FRMPD4: variants seen among roughly 807,000 people sequenced by gnomAD.
The protein encoded by FRMPD4 is FERM and PDZ domain containing 4.
In FRMPD4, 22 loss-of-function variants were observed where a neutral mutation model predicts 94.1. The observed-to-expected ratio is 0.23, with a 90% CI of 0.17 to 0.33. FRMPD4 has a LOEUF of 0.33. Ranked by LOEUF, FRMPD4 falls within the 10% of genes least tolerant of loss-of-function variation. The pLI is 1.00. For synonymous variants in FRMPD4, 631 were observed against 548.6 expected, an observed-to-expected ratio of 1.15 and a Z score of -2.10; for missense variants, 1,111 against 1,339.9, an observed-to-expected ratio of 0.83 and a Z score of 2.67.
chrX:12,706,454 C>T (rs2041875928), intron 11 of FRMPD4, among the ~76,000 whole-genome samples: 1 of 111,470 alleles, frequency 9.0e-6, no homozygotes, highest in Admixed American at 9.5e-5. Context: ...GTAGACACCT[C>T]ACCTTTGTCC....
Position 12,305,725 on chromosome X carries a change from G to GTTTTTTTTTGTTT in FRMPD4, c.41+166722_41+166723insGTTTTTTTTTTTT, listed in dbSNP as rs563804861. Reference sequence around the variant, plus strand: ...GGCATGTACCACCACAGCTGGCTAAGTTTTTTTTTTTTTTTTTTTTTTACA... The same window carrying GTTTTTTTTTGTTT: ...GGCATGTACCACCACAGCTGGCTAAGTTTTTTTTTGTTTTTTTTTTTTTTTTTTTTTTTTTACA... On this transcript the variant is annotated intron_variant, in intron 1 of 16. Transcript: ENST00000675598. Among the ~76,000 whole-genome samples, 28 of 59,700 alleles carry GTTTTTTTTTGTTT rather than the reference G, an allele frequency of 4.7e-4. 1 individual carries two copies. Among genetic ancestry groups the GTTTTTTTTTGTTT allele is most frequent in the Middle Eastern group, 8.9e-3 (1 of 112 alleles). 51.8% of individuals were successfully genotyped at this position (59,700 alleles called of 115,157 possible).
chrX:12,368,880 A>G (rs1370274349), intron 1 of FRMPD4, among the ~76,000 whole-genome samples: 4 of 112,017 alleles, frequency 3.6e-5, no homozygotes, highest in Non-Finnish European at 7.5e-5. Flanking sequence ...CTCTGTCTCA[A>G]CAAAAACAAA....
At chrX:12,579,630 T>C (rs753891831) in intron 2 of FRMPD4, among the ~76,000 whole-genome samples, 1 of 112,037 alleles carries the variant, frequency 8.9e-6, no homozygotes, top group South Asian at 3.7e-4. Context: ...GCTTTTCATA[T>C]TTTATTTTTT....
intron 3 of FRMPD4, among the ~76,000 whole-genome samples, chrX:11,955,156 A>G (rs1472784472): frequency 1.8e-5 from 2 of 111,050 alleles, no homozygotes; most frequent in Admixed American, 9.6e-5. Context: ...AGGCCCAATC[A>G]TGAAGGCTAA....
intron 2 of FRMPD4, among the ~76,000 whole-genome samples, chrX:12,601,201 A>G (rs761725226): frequency 8.9e-6 from 1 of 112,070 alleles, no homozygotes; most frequent in Admixed American, 9.5e-5. Context: ...AATGCTCCTG[A>G]CAGTGTTGTG....
At chrX:12,463,692 G>GTTTTTT (rs1235218164) in intron 1 of FRMPD4, among the ~76,000 whole-genome samples, 2 of 81,752 alleles carry the variant, frequency 2.4e-5, no homozygotes, top group Non-Finnish European at 4.4e-5. Context: ...TTTTTTTTTT[G>GTTTTTT]TTTTTGTTTT....
Position 12,498,734 on chromosome X carries a change from C to A in FRMPD4, c.96C>A (p.Ser32Arg). The A allele has an allele frequency of 8.3e-7, 1 of 1,201,888 alleles. No individual in the cohort carries two copies. Among genetic ancestry groups the A allele is most frequent in the Non-Finnish European group, 1.1e-6 (1 of 888,642 alleles). Residue 32 changes from serine (S) to arginine (R), a missense_variant, in exon 2 of 17, where the codon AGC (serine) becomes AGA (arginine). Ser to Arg is a moderately radical substitution (Grantham distance 110). Around this residue, in one of 8 missense-constraint regions of FRMPD4, gnomAD observed 140 missense variants for 165.9 expected, o/e 0.84. Transcript: ENST00000675598. ...CTCCCTCGGGAACCTGGGGCTTGAG[C>A]CAGGTGCCGCCCTATGGATGGGAGA... ...WPPPSGTWGL[S>R]QVPPYGWEMT...
chrX:12,587,228 G>T (rs1037141798), intron 2 of FRMPD4, among the ~76,000 whole-genome samples: 3 of 111,237 alleles, frequency 2.7e-5, no homozygotes, highest in African/African-American at 9.8e-5. Context: ...ACCCTCCTAG[G>T]CCTCCCAAAG....
At chrX:12,261,852 A>C (rs1400734708) in intron 1 of FRMPD4, among the ~76,000 whole-genome samples, 2 of 112,130 alleles carry the variant, frequency 1.8e-5, no homozygotes, top group Non-Finnish European at 3.8e-5. Flanking sequence ...AAATGTCAAT[A>C]TACCTATGTT....
chrX:12,394,221 A>G (rs989041754), intron 1 of FRMPD4, among the ~76,000 whole-genome samples: 8 of 111,955 alleles, frequency 7.1e-5, no homozygotes, highest in African/African-American at 2.6e-4. Context: ...TTAAAGGGGA[A>G]ATAATCACAG....
At chrX:12,336,863 G>A (rs1335545888) in intron 1 of FRMPD4, among the ~76,000 whole-genome samples, 4 of 111,447 alleles carry the variant, frequency 3.6e-5, no homozygotes, top group Non-Finnish European at 5.6e-5. Flanking sequence ...TGTGTGTGTC[G>A]GCTCAAAGCT....
At chrX:11,978,083 T>G (rs969635275) in intron 3 of FRMPD4, among the ~76,000 whole-genome samples, 5 of 108,897 alleles carry the variant, frequency 4.6e-5, no homozygotes, top group Non-Finnish European at 9.5e-5. Context: ...AGCACTTTGG[T>G]AGGCCGAGGT....
At position 11,879,259 on chromosome X, in the gene FRMPD4, A is replaced by T. The variant is rs775456564; in HGVS notation, c.95+1241A>T. ...TTTTAGCGCCTACATTTTTCTCCTG[A>T]TTTCTTACTTGAAGGGTGAAATGAT... On this transcript the variant is annotated intron_variant, in intron 3 of 18. Coordinates refer to the FRMPD4 transcript ENST00000640291. Among the ~76,000 whole-genome samples the T allele has an allele frequency of 1.3e-4, 15 of 111,334 alleles. No homozygotes were observed. The Admixed American group carries it at 1.4e-3, about 11-fold the overall frequency.
chrX:11,992,600 TA>T (rs1174065971), intron 3 of FRMPD4, among the ~76,000 whole-genome samples: 7 of 111,414 alleles, frequency 6.3e-5, no homozygotes, highest in Admixed American at 3.8e-4. Context: ...CATCAATCTT[TA>T]AAAAAAATAA....
At chrX:12,230,019 A>G (rs749263765) in intron 1 of FRMPD4, among the ~76,000 whole-genome samples, 1 of 111,448 alleles carries the variant, frequency 9.0e-6, no homozygotes, top group South Asian at 3.8e-4. Context: ...GCAATTCATC[A>G]TCTAAGTCCT....
intron 1 of FRMPD4, among the ~76,000 whole-genome samples, chrX:12,258,826 A>G (rs1313433499): frequency 9.0e-6 from 1 of 110,887 alleles, no homozygotes; most frequent in Non-Finnish European, 1.9e-5. Context: ...GAACATTCCA[A>G]TTCTTCTCTT....
intron 2 of FRMPD4, among the ~76,000 whole-genome samples, chrX:12,604,948 A>C (rs2059117378): frequency 1.8e-5 from 2 of 112,049 alleles, no homozygotes; most frequent in South Asian, 7.5e-4. Context: ...ATGTGCTTAC[A>C]TTTTGCTGAG....
At chrX:12,653,390 C>G (rs1446655320) in intron 4 of FRMPD4, among the ~76,000 whole-genome samples, 2 of 112,468 alleles carry the variant, frequency 1.8e-5, no homozygotes, top group East Asian at 5.6e-4. Context: ...CCTATTGGTA[C>G]TTGAAGAACC....
At chrX:12,555,609 G>A (rs1476390256) in intron 2 of FRMPD4, among the ~76,000 whole-genome samples, 2 of 111,744 alleles carry the variant, frequency 1.8e-5, no homozygotes, top group Non-Finnish European at 3.8e-5. Flanking sequence ...GGAGGAAAAA[G>A]TAGGTACTTA....
Sources: allele counts gnomAD v4.1 joint callset (sites outside exome capture counted in the v4.1 genomes callset), GRCh38; gene constraint gnomAD v4.1.1; regional missense constraint gnomAD v4.1.1; transcripts MANE v1.5; gene names NCBI Gene and HGNC (gene_info 2026-07-23, HGNC 2026-07-21).